LDB3: variants seen among roughly 807,000 people sequenced by gnomAD.
LDB3 encodes the protein LIM domain binding 3.
Under a neutral mutation model 69.0 loss-of-function variants are expected in LDB3, and 49 were observed. The observed-to-expected ratio is 0.71, with a 90% CI of 0.56 to 0.90. The LOEUF is 0.90. Among genes scored for constraint, LDB3 ranks in the 40% least tolerant of loss-of-function variants. The pLI is 0.00. For synonymous variants in LDB3, 387 were observed against 396.2 expected (o/e 0.98, Z 0.28); for missense variants, 928 against 974.1 (o/e 0.95, Z 0.63).
At position 86,732,894 on chromosome 10, in the gene LDB3, A is replaced by G. The variant is rs769867342; in HGVS notation, c.2102A>G (p.His701Arg). ...HDTCFICAVC[H>R]VNLEGQPFYS... Reference sequence around the variant, plus strand: ...GTCTGTTCTCTGCTCCAGGTCTGCCATGTGAATCTGGAGGGGCAGCCGTTC... The same window carrying G: ...GTCTGTTCTCTGCTCCAGGTCTGCCGTGTGAATCTGGAGGGGCAGCCGTTC... The change falls in exon 14 of 14, where the codon CAT (histidine) becomes CGT (arginine). Residue 701 changes from histidine (H) to arginine (R), a missense_variant. Coordinates refer to ENST00000361373, the MANE Select transcript of LDB3 (RefSeq NM_007078.3). 1.9e-6 allele frequency: 3 copies of G among 1,613,562 alleles called. No homozygotes were observed. The highest frequency in any genetic ancestry group is 2.5e-6 in the Non-Finnish European group (3 of 1,179,692).
chr10:86,698,488 G>A (rs1025178595), intron 7 of LDB3, among the ~76,000 whole-genome samples: 7 of 152,154 alleles, frequency 4.6e-5, no homozygotes, highest in African/African-American at 1.7e-4. Context: ...GCCTTTCTCA[G>A]GTGCTCTCTT....
intron 2 of LDB3, among the ~76,000 whole-genome samples, chr10:86,678,965 C>G (rs1226323489): frequency 3.3e-5 from 5 of 152,166 alleles, no homozygotes; most frequent in Non-Finnish European, 7.4e-5. Flanking sequence ...TGGCTCAGAA[C>G]AACAAAAGTT....
chr10:86,718,957 T>C, intron 12 of LDB3, 110 bp downstream of exon 12: 1 of 1,379,596 alleles, frequency 7.2e-7, no homozygotes, highest in Non-Finnish European at 9.8e-7. Flanking sequence ...CCCAGAGGCC[T>C]TTATTTCTGG....
chr10:86,691,179 C>A (rs908514924), intron 5 of LDB3, among the ~76,000 whole-genome samples: 2 of 152,180 alleles, frequency 1.3e-5, no homozygotes, highest in African/African-American at 4.8e-5. Context: ...GAGTTTTGTG[C>A]ACCTATCATG....
rs1393930781 is a variant in LDB3 at position 86,692,532 on chromosome 10, C to T, written c.860-3C>T. The T allele has an allele frequency of 1.2e-6, 2 of 1,614,064 alleles. No individual in the cohort carries two copies. The highest frequency in any genetic ancestry group is 1.3e-5 in the African/African-American group (1 of 74,946). On this transcript the variant is annotated splice_region_variant and splice_polypyrimidine_tract_variant and intron_variant, in intron 6 of 13. Transcript: ENST00000361373. ...CCCCTGACCAGCTCCTTTCTACCAA[C>T]AGTGCAAGACCCTGATGAAGAAGCT...
chr10:86,671,164 C>A (rs1015189747), intron 2 of LDB3, among the ~76,000 whole-genome samples: 17 of 152,218 alleles, frequency 1.1e-4, no homozygotes, highest in African/African-American at 4.1e-4. Flanking sequence ...TACCTCGCTT[C>A]AGAGCCTGGC....
rs3740346 is a variant in LDB3, at chr10:86,692,112, G to C, written c.859+47G>C. The C allele has an allele frequency of 0.14, 226,925 of 1,605,672 alleles. 22,751 individuals carry two copies. Among genetic ancestry groups the C allele is most frequent in the East Asian group, 0.62 (27,676 of 44,654 alleles). On this transcript the variant is annotated intron_variant, in intron 6 of 13. Transcript: ENST00000361373. ...GGCTGCAGAGGAGGGAGATGCTGAG[G>C]GGCCACCAGGGACCTGGGCCCAGCA...
At chr10:86,679,686 C>T (rs1031208804) in intron 3 of LDB3, among the ~76,000 whole-genome samples, 168 bp downstream of exon 3, 9 of 152,208 alleles carry the variant, frequency 5.9e-5, no homozygotes, top group Non-Finnish European at 1.2e-4. Context: ...AGGCCCAAGT[C>T]GCTGTCAAGC....
intron 9 of LDB3, among the ~76,000 whole-genome samples, chr10:86,712,421 G>A (rs1411654327): frequency 1.3e-5 from 2 of 152,194 alleles, no homozygotes; most frequent in Non-Finnish European, 2.9e-5. Context: ...GAAAGGGGGC[G>A]TACTAAAGCC....
chr10:86,668,852 CGTCT>C (rs1261457391), intron 2 of LDB3, 68 bp downstream of exon 2: 20 of 1,194,872 alleles, frequency 1.7e-5, no homozygotes, highest in South Asian at 3.7e-5. Flanking sequence ...CATGTGTGTC[CGTCT>C]GTCTGTCTGT....
At chr10:86,709,876 G>A in intron 8 of LDB3, 29 bp from the exon 9 acceptor site, 3 of 1,604,696 alleles carry the variant, frequency 1.9e-6, no homozygotes, top group South Asian at 1.1e-5. Flanking sequence ...CTGTCCTTCT[G>A]GGTGTAACCC....
chr10:86,679,332 C>G (rs1163175235), intron 2 of LDB3, 35 bp from the exon 3 acceptor site: 2 of 1,613,976 alleles, frequency 1.2e-6, no homozygotes, highest in Non-Finnish European at 1.7e-6. Flanking sequence ...GACCACCTTC[C>G]TTATGCTCAC....
rs367792378 is a variant in LDB3, at chr10:86,668,782, C to T, written c.91C>T (p.Arg31Trp). 49 of 1,611,606 alleles carry T rather than the reference C, an allele frequency of 3.0e-5. No homozygotes were observed. The South Asian group carries it at 3.1e-4, about 10-fold the overall frequency. The change falls in exon 2 of 14, where the codon CGG (arginine) becomes TGG (tryptophan). Residue 31 changes from arginine (R) to tryptophan (W), a missense_variant and splice_region_variant. Coordinates refer to ENST00000361373, the MANE Select transcript of LDB3 (RefSeq NM_007078.3). ...KDFNMPLTISRITPGSKAAQS... is the reference protein window; with the variant it reads ...KDFNMPLTISWITPGSKAAQS... Reference sequence around the variant, plus strand: ...CTTCAACATGCCCCTCACTATCTCCCGGGTGAGTGCACCCTGCCACAGCCT... The same window carrying T: ...CTTCAACATGCCCCTCACTATCTCCTGGGTGAGTGCACCCTGCCACAGCCT...
intron 12 of LDB3, among the ~76,000 whole-genome samples, chr10:86,721,377 G>A (rs564344148): frequency 2.0e-5 from 3 of 152,326 alleles, no homozygotes; most frequent in African/African-American, 4.8e-5. Context: ...GAGCCAGAAT[G>A]ATAGGGTCTA....
At chr10:86,704,614 C>G (rs1477808363) in intron 7 of LDB3, among the ~76,000 whole-genome samples, 1 of 140,000 alleles carries the variant, frequency 7.1e-6, no homozygotes, top group Non-Finnish European at 1.5e-5. Flanking sequence ...GAGTCTCGCT[C>G]TGTCGCCCAG....
intron 2 of LDB3, among the ~76,000 whole-genome samples, chr10:86,677,140 G>A (rs1269631400): frequency 1.3e-5 from 2 of 152,230 alleles, no homozygotes; most frequent in African/African-American, 4.8e-5. Context: ...GGGGTCCGGA[G>A]CCTCCTCTTT....
intron 8 of LDB3, among the ~76,000 whole-genome samples, chr10:86,709,281 C>T (rs1464311562): frequency 1.3e-5 from 2 of 152,110 alleles, no homozygotes; most frequent in African/African-American, 4.8e-5. Flanking sequence ...CCCATTGTCC[C>T]TGGGCCACAC....
chr10:86,685,324 C>A (rs1845407471), intron 5 of LDB3, among the ~76,000 whole-genome samples: 5 of 152,246 alleles, frequency 3.3e-5, no homozygotes, highest in Admixed American at 3.3e-4. Context: ...GTCTCCACCC[C>A]TAGCTTCCAC....
In LDB3 at chr10:86,681,395, C is replaced by A. The variant is rs761466309; in HGVS notation, c.322-41C>A. 2.1e-5 allele frequency: 34 copies of A among 1,597,828 alleles called. 1 individual carries two copies. The South Asian group carries it at 3.5e-4, about 17-fold the overall frequency. On this transcript the variant is annotated intron_variant, in intron 4 of 13. Transcript: ENST00000361373. ...CGCTGGGACGCGTGTGGCCTCTAAC[C>A]GCTCTCTTCTCTCTCCCCTGCATGG...
Sources: gnomAD v4.1 joint callset for allele counts (sites outside exome capture counted in the v4.1 genomes callset) on GRCh38, gnomAD v4.1.1 for gene constraint, MANE v1.5 for transcripts, NCBI Gene and HGNC (gene_info 2026-07-23, HGNC 2026-07-21) for gene names.